The following FHOD3 variants were observed in gnomAD, a reference collection of about 807,000 sequenced individuals.
FHOD3 encodes FH1/FH2 domain-containing protein 3.
FHOD3 carries 90 observed loss-of-function variants against 173.0 expected under a neutral mutation model. That is an observed-to-expected ratio of 0.52 (90% confidence interval 0.44 to 0.62). FHOD3 has a LOEUF of 0.62. FHOD3 is among the 20% of genes least tolerant of loss of function. The pLI is 0.00. For missense variants in FHOD3, 1,945 were observed against 2,034.7 expected (o/e 0.96, Z 0.85); for synonymous variants, 828 against 823.0 (o/e 1.01, Z -0.10).
chr18:36,497,342 T>C (rs1442279960), intron 3 of FHOD3, among the ~76,000 whole-genome samples: 1 of 152,232 alleles, frequency 6.6e-6, no homozygotes. Flanking sequence ...GAGTTTGAGA[T>C]GGCGTCAGAA....
At chr18:36,609,607 C>CTTTT (rs1181851197) in intron 8 of FHOD3, among the ~76,000 whole-genome samples, 4 of 118,180 alleles carry the variant, frequency 3.4e-5, no homozygotes, top group Admixed American at 8.7e-5. Flanking sequence ...CTTTTTAGTT[C>CTTTT]TTTTTTTTTT....
chr18:36,459,623 G>T (rs1264243995), intron 3 of FHOD3, among the ~76,000 whole-genome samples: 1 of 152,160 alleles, frequency 6.6e-6, no homozygotes, highest in Admixed American at 6.5e-5. Flanking sequence ...TGGTCAAATG[G>T]TCGTGGTATT....
At chr18:36,372,535 A>G (rs2146094566) in intron 2 of FHOD3, 145 bp from the exon 3 acceptor site, 1 of 570,004 alleles carries the variant, frequency 1.8e-6, no homozygotes, top group East Asian at 2.8e-5. Flanking sequence ...ACATTATTTC[A>G]GGATAGATTC....
intron 1 of FHOD3, among the ~76,000 whole-genome samples, chr18:36,347,820 A>G (rs892005971): frequency 6.6e-6 from 1 of 152,254 alleles, no homozygotes; most frequent in African/African-American, 2.4e-5. Context: ...AAAATTGACC[A>G]AGTGTTACTT....
At chr18:36,508,494 G>T (rs961602490) in intron 4 of FHOD3, among the ~76,000 whole-genome samples, 2 of 152,176 alleles carry the variant, frequency 1.3e-5, no homozygotes, top group African/African-American at 4.8e-5. Context: ...ATTTCCAAAA[G>T]AACTCAGAAG....
intron 3 of FHOD3, among the ~76,000 whole-genome samples, chr18:36,496,087 C>T (rs1857167926): frequency 6.6e-6 from 1 of 152,178 alleles, no homozygotes; most frequent in African/African-American, 2.4e-5. Context: ...GGTGAAGTTT[C>T]TGTGTGGTGA....
intron 15 of FHOD3, among the ~76,000 whole-genome samples, chr18:36,685,900 A>T (rs983276492): frequency 6.6e-6 from 1 of 152,194 alleles, no homozygotes; most frequent in African/African-American, 2.4e-5. Flanking sequence ...GGAACAGAAA[A>T]ACAAAACATA....
intron 10 of FHOD3, among the ~76,000 whole-genome samples, chr18:36,641,308 C>T (rs1409298004): frequency 1.3e-5 from 2 of 152,106 alleles, no homozygotes; most frequent in African/African-American, 4.8e-5. Context: ...CTGTGTAAGG[C>T]TAGGGTGAGG....
At chr18:36,697,493 T>G (rs1048883989) in intron 17 of FHOD3, among the ~76,000 whole-genome samples, 5 of 148,176 alleles carry the variant, frequency 3.4e-5, no homozygotes, top group Admixed American at 3.3e-4. Context: ...CACACAGAAA[T>G]AATACATCAC....
intron 10 of FHOD3, among the ~76,000 whole-genome samples, chr18:36,638,110 G>T (rs1055394637): frequency 1.3e-5 from 2 of 152,176 alleles, no homozygotes; most frequent in East Asian, 3.9e-4. Flanking sequence ...CTCAAAGGGA[G>T]TATGAATTCC....
At chr18:36,763,592 T>G (rs2043012840) in intron 27 of FHOD3, among the ~76,000 whole-genome samples, 1 of 148,006 alleles carries the variant, frequency 6.8e-6, no homozygotes, top group Non-Finnish European at 1.5e-5. Flanking sequence ...ATATGTGTAT[T>G]ATACACGTTA....
intron 3 of FHOD3, among the ~76,000 whole-genome samples, chr18:36,378,196 A>G (rs1338619685): frequency 6.6e-6 from 1 of 152,136 alleles, no homozygotes; most frequent in Non-Finnish European, 1.5e-5. Flanking sequence ...CAGCCTCAGC[A>G]TGAGATGGGT....
At chr18:36,746,044 T>G (rs775736776) in intron 23 of FHOD3, among the ~76,000 whole-genome samples, 52 of 152,104 alleles carry the variant, frequency 3.4e-4, no homozygotes, top group Non-Finnish European at 2.1e-4. Flanking sequence ...AATGTGGCCC[T>G]CTGATGTATT....
In FHOD3 at chr18:36,305,118, C is replaced by A. The variant is rs1278324077; in HGVS notation, c.165+7118C>A. Among the ~76,000 whole-genome samples the A allele has an allele frequency of 6.6e-5, 10 of 152,204 alleles. No individual in the cohort carries two copies. The East Asian group carries it at 1.7e-3, about 26-fold the overall frequency. ...TTAACTGTTAAAGAGGGAGGAAGATCAATTATTTTTTGAAAAAAAATTATC... is the reference window on the plus strand; with the variant it reads ...TTAACTGTTAAAGAGGGAGGAAGATAAATTATTTTTTGAAAAAAAATTATC... On this transcript the variant is annotated intron_variant, in intron 1 of 28. Transcript: ENST00000590592.
chr18:36,443,301 A>G (rs975357863), intron 3 of FHOD3, among the ~76,000 whole-genome samples: 1 of 152,158 alleles, frequency 6.6e-6, no homozygotes, highest in Non-Finnish European at 1.5e-5. Flanking sequence ...CTGTGATTCC[A>G]TCTGTACTTA....
chr18:36,480,768 G>T (rs2053838903), intron 3 of FHOD3, among the ~76,000 whole-genome samples: 1 of 152,194 alleles, frequency 6.6e-6, no homozygotes, highest in Non-Finnish European at 1.5e-5. Context: ...ATTAGTAAAT[G>T]ATTTGTATTG....
chr18:36,428,703 A>G (rs2050381407), intron 3 of FHOD3, among the ~76,000 whole-genome samples: 1 of 151,972 alleles, frequency 6.6e-6, no homozygotes, highest in Non-Finnish European at 1.5e-5. Context: ...GCCCTCTAAG[A>G]ATTTATTGCT....
chr18:36,316,260 C>T (rs995845583), intron 1 of FHOD3, among the ~76,000 whole-genome samples: 5 of 152,140 alleles, frequency 3.3e-5, no homozygotes, highest in African/African-American at 1.2e-4. Flanking sequence ...GTCAGGTTGC[C>T]AAAGCAGGGG....
chr18:36,407,152 TC>T (rs2049113768), intron 3 of FHOD3, among the ~76,000 whole-genome samples: 1 of 152,180 alleles, frequency 6.6e-6, no homozygotes, highest in Non-Finnish European at 1.5e-5. Flanking sequence ...AGTTCCCCTT[TC>T]CCCACCACAT....
Sources: gnomAD v4.1 joint callset for allele counts (sites outside exome capture counted in the v4.1 genomes callset) on GRCh38, gnomAD v4.1.1 for gene constraint, MANE v1.5 for transcripts, NCBI Gene and HGNC (gene_info 2026-07-23, HGNC 2026-07-21) for gene names.